CDH13: variants seen among roughly 807,000 people sequenced by gnomAD.
CDH13 encodes the protein cadherin 13.
A neutral mutation model predicts 63.8 loss-of-function variants in CDH13; 24 were observed. The ratio of observed to expected loss-of-function variants is 0.38; its 90% confidence interval spans 0.27 to 0.53. The LOEUF (loss-of-function observed/expected upper bound fraction) is 0.53, where lower values mean the gene tolerates loss of function less well. Ranked by LOEUF, CDH13 falls within the 20% of genes least tolerant of loss-of-function variation. The pLI is 0.85. For missense variants in CDH13, 1,049 were observed against 903.1 expected (o/e 1.16, Z -2.07); for synonymous variants, 503 against 355.3 (o/e 1.42, Z -4.67).
intron 1 of CDH13, among the ~76,000 whole-genome samples, chr16:82,704,291 T>G (rs965613732): frequency 6.6e-6 from 1 of 152,188 alleles, no homozygotes; most frequent in Admixed American, 6.5e-5. Flanking sequence ...GAGTTTGAAT[T>G]ATGGATGTTA....
intron 1 of CDH13, among the ~76,000 whole-genome samples, chr16:82,724,390 A>T (rs1188020966): frequency 6.6e-6 from 1 of 152,198 alleles, no homozygotes; most frequent in Non-Finnish European, 1.5e-5. Context: ...TGATATGACT[A>T]GTCCTTTTTA....
At chr16:82,743,832 T>C (rs2034042056) in intron 1 of CDH13, among the ~76,000 whole-genome samples, 1 of 152,234 alleles carries the variant, frequency 6.6e-6, no homozygotes. Flanking sequence ...TTCTATTTTA[T>C]AAATATGACA....
chr16:83,182,962 G>A (rs567705907), intron 4 of CDH13, among the ~76,000 whole-genome samples: 2 of 151,948 alleles, frequency 1.3e-5, no homozygotes, highest in African/African-American at 4.8e-5. Context: ...AATTGTGGCA[G>A]TTTTCTGTTT....
chr16:82,818,665 T>A (rs2037845006), intron 1 of CDH13, among the ~76,000 whole-genome samples: 1 of 152,176 alleles, frequency 6.6e-6, no homozygotes, highest in African/African-American at 2.4e-5. Flanking sequence ...ACCTTTGGCT[T>A]CATAGCTGTA....
intron 4 of CDH13, among the ~76,000 whole-genome samples, chr16:83,131,184 C>CA (rs2036032467): frequency 2.3e-4 from 2 of 8,862 alleles, no homozygotes; most frequent in Admixed American, 1.5e-3. Flanking sequence ...GGTGTATGAC[C>CA]CCCCCCCCCC....
chr16:83,298,289 G>GAA (rs2089651646), intron 5 of CDH13, among the ~76,000 whole-genome samples: 1 of 151,942 alleles, frequency 6.6e-6, no homozygotes, highest in African/African-American at 2.4e-5. Flanking sequence ...AAAAGAAAAA[G>GAA]AAAAGGGAAG....
intron 2 of CDH13, among the ~76,000 whole-genome samples, chr16:82,993,415 A>T (rs1911870273): frequency 6.6e-6 from 1 of 152,164 alleles, no homozygotes; most frequent in Non-Finnish European, 1.5e-5. Context: ...TCAGTTGAAA[A>T]AAAACAAAGA....
At chr16:83,120,215 C>T (rs1325361924) in intron 3 of CDH13, among the ~76,000 whole-genome samples, 1 of 152,146 alleles carries the variant, frequency 6.6e-6, no homozygotes, top group Non-Finnish European at 1.5e-5. Flanking sequence ...CGGATTAACA[C>T]AATTGTGCCA....
In CDH13 at chr16:83,780,048, A is replaced by G; in HGVS notation, c.1762A>G (p.Thr588Ala). The G allele has an allele frequency of 6.2e-7, 1 of 1,613,958 alleles. No homozygotes were observed. Among genetic ancestry groups the G allele is most frequent in the Non-Finnish European group, 8.5e-7 (1 of 1,179,864 alleles). The change falls in exon 12 of 14, where the codon ACA (threonine) becomes GCA (alanine). Residue 588 changes from threonine (T) to alanine (A), a missense_variant. By Grantham distance (58) the Thr-to-Ala change is moderately conservative (BLOSUM62 0). Coordinates refer to ENST00000567109, the MANE Select transcript of CDH13 (RefSeq NM_001257.5). ...VNDNAPFIYP[T>A]VAEVCDDAKN... is the part of the protein sequence containing the mutation. ...TGACAATGCCCCGTTCATTTACCCC[A>G]CAGTAGCTGAAGTCTGTGATGATGC... is the stretch of plus-strand genomic sequence containing the variant.
chr16:82,929,682 A>G (rs1322972635), intron 2 of CDH13, among the ~76,000 whole-genome samples: 1 of 142,992 alleles, frequency 7.0e-6, no homozygotes, highest in Non-Finnish European at 1.5e-5. Context: ...AAAAAAAAAA[A>G]AGAAGACAGC....
At chr16:83,694,433 A>T (rs1053377015) in intron 10 of CDH13, among the ~76,000 whole-genome samples, 3 of 152,176 alleles carry the variant, frequency 2.0e-5, no homozygotes, top group African/African-American at 7.2e-5. Flanking sequence ...ATGATAAAGG[A>T]TGGGGAGCAG....
intron 1 of CDH13, among the ~76,000 whole-genome samples, chr16:82,638,451 C>A (rs1041625451): frequency 1.3e-5 from 2 of 152,108 alleles, no homozygotes; most frequent in Admixed American, 6.5e-5. Context: ...CTATGCTTGC[C>A]CTGCAGGATT....
At chr16:83,646,103 G>A (rs1243348902) in intron 8 of CDH13, among the ~76,000 whole-genome samples, 1 of 152,134 alleles carries the variant, frequency 6.6e-6, no homozygotes, top group African/African-American at 2.4e-5. Flanking sequence ...GGGCCCTAGT[G>A]TGGGACCATA....
Position 82,644,413 on chromosome 16 carries a change from G to A in CDH13, c.45+17276G>A, listed in dbSNP as rs369093674. Among the ~76,000 whole-genome samples the A allele has an allele frequency of 9.2e-5, 14 of 152,156 alleles. No individual in the cohort carries two copies. The highest frequency in any genetic ancestry group is 4.2e-4 in the South Asian group (2 of 4,812). ...TTCTCAGGTCCCTTAACCATGGAAC[G>A]TACTCCTGTCTGCCCTCACTCGTGG... On this transcript the variant is annotated intron_variant, in intron 1 of 13. Coordinates refer to ENST00000567109, the MANE Select transcript of CDH13 (RefSeq NM_001257.5). This position sits in a 1 kb window ranked among gnomAD's most constrained non-coding sequence, Gnocchi z 5.7.
At chr16:82,806,117 G>A (rs1383427346) in intron 1 of CDH13, among the ~76,000 whole-genome samples, 1 of 152,136 alleles carries the variant, frequency 6.6e-6, no homozygotes, top group African/African-American at 2.4e-5. Context: ...GATTGAGTTT[G>A]CCAGCCTTCT....
intron 11 of CDH13, among the ~76,000 whole-genome samples, chr16:83,755,737 A>G (rs1413303935): frequency 7.2e-6 from 1 of 139,308 alleles, no homozygotes; most frequent in Non-Finnish European, 1.6e-5. Flanking sequence ...AGGTGAATTA[A>G]AGACTTTTGG....
intron 9 of CDH13, among the ~76,000 whole-genome samples, chr16:83,672,046 G>A (rs912050843): frequency 1.3e-5 from 2 of 152,200 alleles, no homozygotes; most frequent in Non-Finnish European, 2.9e-5. Flanking sequence ...GGGATCAATT[G>A]TATTTATAGT....
chr16:83,020,980 A>G (rs926230774), intron 2 of CDH13, among the ~76,000 whole-genome samples: 5 of 152,224 alleles, frequency 3.3e-5, no homozygotes, highest in African/African-American at 9.6e-5. Flanking sequence ...CTTGAGATGC[A>G]CATTCAGAAG....
At chr16:83,014,789 T>TA (rs1914564929) in intron 2 of CDH13, among the ~76,000 whole-genome samples, 3 of 74,262 alleles carry the variant, frequency 4.0e-5, no homozygotes, top group African/African-American at 1.1e-4. Context: ...TATATATATA[T>TA]TTGTATATAT....
Sources: gnomAD v4.1 joint callset for allele counts (sites outside exome capture counted in the v4.1 genomes callset) on GRCh38, gnomAD v4.1.1 for gene constraint, Gnocchi (gnomAD v3.1) non-coding constraint, MANE v1.5 for transcripts, NCBI Gene and HGNC (gene_info 2026-07-23, HGNC 2026-07-21) for gene names.